The following CNKSR3 variants were observed in gnomAD, a reference collection of about 807,000 sequenced individuals.
The protein encoded by CNKSR3 is CNKSR family member 3.
CNKSR3 carries 36 observed loss-of-function variants against 67.7 expected under a neutral mutation model. The observed-to-expected ratio is 0.53, with a 90% CI of 0.41 to 0.70. The LOEUF is 0.70. CNKSR3 is among the 30% of genes least tolerant of loss of function. CNKSR3 has a pLI of 0.00. For synonymous variants in CNKSR3, 281 were observed against 271.4 expected (o/e 1.04, Z -0.35); for missense variants, 630 against 695.2 (o/e 0.91, Z 1.05).
At chr6:154,430,342 A>C (rs1005003757) in intron 6 of CNKSR3, 130 bp downstream of exon 6, 2 of 718,128 alleles carry the variant, frequency 2.8e-6, no homozygotes, top group African/African-American at 3.6e-5. Context: ...TCCTAATTAC[A>C]TAATGGAAGG....
chr6:154,407,338 C>T (rs527620408), intron 12 of CNKSR3, among the ~76,000 whole-genome samples: 2 of 152,168 alleles, frequency 1.3e-5, no homozygotes, highest in Non-Finnish European at 2.9e-5. Flanking sequence ...CCCTAACTGC[C>T]AGCAGACCCC....
chr6:154,419,634 G>A (rs1042961113), intron 9 of CNKSR3, among the ~76,000 whole-genome samples: 3 of 152,130 alleles, frequency 2.0e-5, no homozygotes, highest in Admixed American at 6.6e-5. Context: ...CTGGATACAC[G>A]TTTAAAGGAA....
At chr6:154,436,367 G>A (rs1785472765) in intron 4 of CNKSR3, among the ~76,000 whole-genome samples, 1 of 151,830 alleles carries the variant, frequency 6.6e-6, no homozygotes, top group South Asian at 2.1e-4. Context: ...TAATATAGAG[G>A]TCTCACTATA....
intron 1 of CNKSR3, among the ~76,000 whole-genome samples, chr6:154,463,319 C>A (rs1374961750): frequency 6.6e-6 from 1 of 151,920 alleles, no homozygotes; most frequent in African/African-American, 2.4e-5. Context: ...GTGATCGGCC[C>A]GCCTCGGCCT....
At chr6:154,407,323 T>A (rs1784816431) in intron 12 of CNKSR3, among the ~76,000 whole-genome samples, 1 of 152,138 alleles carries the variant, frequency 6.6e-6, no homozygotes, top group Admixed American at 6.5e-5. Context: ...AAAAGAGTGA[T>A]CCTGCCCTAA....
chr6:154,453,367 C>CAGT (rs1785878929), intron 1 of CNKSR3, among the ~76,000 whole-genome samples: 1 of 152,112 alleles, frequency 6.6e-6, no homozygotes, highest in African/African-American at 2.4e-5. Context: ...GAGTTCTAGA[C>CAGT]AGTATGCAGG....
rs942736432 is a variant in CNKSR3 at position 154,444,911 on chromosome 6, A to T, written c.217-2621T>A. Among the ~76,000 whole-genome samples the T allele has an allele frequency of 2.0e-5, 3 of 152,246 alleles. No homozygotes were observed. The East Asian group carries it at 5.8e-4, about 29-fold the overall frequency. ...TGAACCACTGCACCCGGCTGTGGAG[A>T]AACTTCTTTCAGCTGGCTTTGGCTA... On this transcript the variant is annotated intron_variant, in intron 2 of 12. Transcript: ENST00000607772.
At chr6:154,455,113 AG>A (rs34539074) in intron 1 of CNKSR3, among the ~76,000 whole-genome samples, 106,577 of 150,140 alleles carry the variant, frequency 0.71, 38,159 homozygotes, top group East Asian at 0.87. Context: ...GTTCGAGACG[AG>A]GCCTGGCCAA....
At chr6:154,455,917 T>G (rs1204323069) in intron 1 of CNKSR3, among the ~76,000 whole-genome samples, 5 of 152,178 alleles carry the variant, frequency 3.3e-5, no homozygotes, top group Non-Finnish European at 7.3e-5. Context: ...CTAAGAATTT[T>G]TATTAATTAA....
In CNKSR3 at chr6:154,418,077, C is replaced by A. The variant is rs191244739; in HGVS notation, c.946-3654G>T. 3.1e-3 allele frequency among the ~76,000 whole-genome samples: 476 copies of A among 152,264 alleles called. 3 individuals are homozygous for A. The highest frequency in any genetic ancestry group is 1.7e-3 in the Non-Finnish European group (119 of 68,012). On this transcript the variant is annotated intron_variant, in intron 9 of 12. Coordinates refer to ENST00000607772, the MANE Select transcript of CNKSR3 (RefSeq NM_173515.4). ...TCTAGAGTCTCACTACCGCCACTAC[C>A]ACCCCCCGCTGCTGGGAATGTCAGC...
At chr6:154,485,507 G>C (rs1786649216) in intron 1 of CNKSR3, among the ~76,000 whole-genome samples, 1 of 152,152 alleles carries the variant, frequency 6.6e-6, no homozygotes, top group Admixed American at 6.5e-5. Context: ...ATCTATAAAA[G>C]GCAAATCAGG....
At chr6:154,463,744 G>GTA (rs1319211626) in intron 1 of CNKSR3, among the ~76,000 whole-genome samples, 1 of 152,150 alleles carries the variant, frequency 6.6e-6, no homozygotes, top group Non-Finnish European at 1.5e-5. Context: ...TGAGGGAAGA[G>GTA]TATCTAGGCC....
chr6:154,504,807 G>A (rs1386479030), intron 1 of CNKSR3, among the ~76,000 whole-genome samples: 2 of 151,658 alleles, frequency 1.3e-5, no homozygotes, highest in Non-Finnish European at 2.9e-5. Flanking sequence ...CTCAGGACAA[G>A]ATCAGCCTGG....
chr6:154,441,242 C>CAAAAAAAAAA (rs34887626), intron 4 of CNKSR3, 50 bp downstream of exon 4: 13 of 847,474 alleles, frequency 1.5e-5, no homozygotes, highest in African/African-American at 4.4e-5. Context: ...AGAGGAAAAG[C>CAAAAAAAAAA]AAAAAAAAAA....
intron 1 of CNKSR3, among the ~76,000 whole-genome samples, chr6:154,502,984 G>A (rs1307502590): frequency 2.0e-5 from 3 of 152,160 alleles, no homozygotes; most frequent in African/African-American, 7.2e-5. Context: ...CGAAGGAGCC[G>A]GAGCAGGAGT....
At chr6:154,443,268 A>C (rs1752437426) in intron 2 of CNKSR3, among the ~76,000 whole-genome samples, 1 of 151,976 alleles carries the variant, frequency 6.6e-6, no homozygotes, top group East Asian at 1.9e-4. Flanking sequence ...CTGACCACTT[A>C]ATCTAGAACA....
At chr6:154,428,662 G>A (rs1341236682) in intron 6 of CNKSR3, among the ~76,000 whole-genome samples, 1 of 151,188 alleles carries the variant, frequency 6.6e-6, no homozygotes, top group East Asian at 1.9e-4. Flanking sequence ...AGGACTACAG[G>A]TGTGTGCTAC....
intron 1 of CNKSR3, among the ~76,000 whole-genome samples, chr6:154,456,756 T>A (rs1785969186): frequency 6.7e-6 from 1 of 149,230 alleles, no homozygotes; most frequent in African/African-American, 2.5e-5. Context: ...ATGCAAAAAT[T>A]TGCTCCAACA....
Position 154,390,530 on chromosome 6 carries a change from T to C in CNKSR3, c.*15824A>G, listed in dbSNP as rs980265518. The C allele has an allele frequency of 6.6e-6, 1 of 152,228 alleles. No homozygotes were observed. The highest frequency in any genetic ancestry group is 1.5e-5 in the Non-Finnish European group (1 of 68,048). 9.4% of individuals were successfully genotyped at this position (152,228 alleles called of 1,614,324 possible). A position where few individuals can be genotyped will look rare whatever the true frequency, so the allele number is the denominator to read the frequency against. On this transcript the variant is annotated 3_prime_UTR_variant, in exon 13 of 13. Coordinates refer to ENST00000607772, the MANE Select transcript of CNKSR3 (RefSeq NM_173515.4). ...CCCAGAGGATAAATTTCTTCTTCCC[T>C]TCCTCTCGTCTCTGGACTATACCTT...
Sources: gnomAD v4.1 joint callset for allele counts (sites outside exome capture counted in the v4.1 genomes callset) on GRCh38, gnomAD v4.1.1 for gene constraint, MANE v1.5 for transcripts, NCBI Gene and HGNC (gene_info 2026-07-23, HGNC 2026-07-21) for gene names.